Variants in PATL2 observed in about 807,000 individuals in gnomAD.
The protein encoded by PATL2 is protein PAT1 homolog 2.
A neutral mutation model predicts 77.0 loss-of-function variants in PATL2; 73 were observed. The observed-to-expected ratio is 0.95, with a 90% confidence interval of 0.78 to 1.15. The LOEUF is 1.15. Among genes scored for constraint, PATL2 ranks in the 50% most tolerant of loss-of-function variants. The pLI is 0.00. For synonymous variants in PATL2, 265 were observed against 257.1 expected (o/e 1.03, Z -0.29); for missense variants, 618 against 655.4 (o/e 0.94, Z 0.62).
At chr15:44,679,540 CTTTTTCTTTTTCTT>C (rs2086082882) in intron 3 of PATL2, among the ~76,000 whole-genome samples, 1 of 134,712 alleles carries the variant, frequency 7.4e-6, no homozygotes, top group Admixed American at 7.4e-5. Flanking sequence ...TTTTTTTTTT[CTTTTTCTTTTTCTT>C]TTTTTTTTTT....
chr15:44,670,099 C>T lies in PATL2; in HGVS notation c.658-12G>A, dbSNP rs140437598. On this transcript the variant is annotated splice_polypyrimidine_tract_variant and intron_variant, in intron 9 of 17. Transcript: ENST00000682850. ...TTCTGGTAATATTCCTGAGAATGCA[C>T]GGAATAGGAAACAAAAAAACAAAAC... The T allele has an allele frequency of 2.2e-4, 344 of 1,551,014 alleles. 1 individual carries two copies. The highest frequency in any genetic ancestry group is 2.7e-4 in the Non-Finnish European group (311 of 1,146,834).
At chr15:44,684,810 T>G (rs1595978747) in intron 3 of PATL2, among the ~76,000 whole-genome samples, 1 of 151,850 alleles carries the variant, frequency 6.6e-6, no homozygotes, top group Non-Finnish European at 1.5e-5. Flanking sequence ...TCCACCAAGG[T>G]TGAAATGAAG....
At chr15:44,676,604 C>A in intron 3 of PATL2, 39 bp from the exon 4 acceptor site, 1 of 1,486,588 alleles carries the variant, frequency 6.7e-7, no homozygotes, top group South Asian at 1.2e-5. Context: ...CATCCTCAGT[C>A]AGTAAGGATG....
chr15:44,669,680 TCTTCCTC>T (rs2085566738), intron 11 of PATL2, 90 bp downstream of exon 11: 1 of 1,506,070 alleles, frequency 6.6e-7, no homozygotes, highest in African/African-American at 1.4e-5. Flanking sequence ...TGATCACACT[TCTTCCTC>T]CTTCTTCGGT....
At chr15:44,697,863 G>T (rs1488805006) in intron 3 of PATL2, among the ~76,000 whole-genome samples, 1 of 152,000 alleles carries the variant, frequency 6.6e-6, no homozygotes, top group African/African-American at 2.4e-5. Context: ...CTTCTAGGTT[G>T]TTGTGTAGTT....
Position 44,694,293 on chromosome 15 carries a change from G to A in PATL2, c.-76+15803C>T, listed in dbSNP as rs566399677. Among the ~76,000 whole-genome samples, 47 of 152,238 alleles carry A rather than the reference G, an allele frequency of 3.1e-4. 3 individuals are homozygous for A. In the South Asian group the frequency reaches 9.5e-3, roughly 31 times the overall value. On this transcript the variant is annotated intron_variant, in intron 3 of 17. Transcript: ENST00000682850. ...CCCACCTCAGGTTTTGCTGTCAGTG[G>A]TCATTAGATAAATAGATTTTTGGCT...
chr15:44,704,955 T>C (rs531297048), intron 3 of PATL2, among the ~76,000 whole-genome samples: 2 of 152,222 alleles, frequency 1.3e-5, no homozygotes, highest in Non-Finnish European at 2.9e-5. Context: ...TATTTGTTTA[T>C]TTTCTGTTGC....
Position 44,669,167 on chromosome 15 carries a change from A to G in PATL2, c.1065-28T>C, listed in dbSNP as rs572387198. 2.0e-6 allele frequency: 3 copies of G among 1,522,778 alleles called. No individual in the cohort carries two copies. In the South Asian group the frequency reaches 3.7e-5, roughly 19 times the overall value. The allele number at this position is 1,522,778 out of a possible 1,614,324, so 94.3% of individuals were successfully genotyped here. A position where few individuals can be genotyped will look rare whatever the true frequency, so the allele number is the denominator to read the frequency against. On this transcript the variant is annotated intron_variant, in intron 13 of 17. Coordinates refer to ENST00000682850, the MANE Select transcript of PATL2 (RefSeq NM_001387263.1). The stretch of plus-strand genomic sequence containing the variant: ...GCAAGGGAGAGAGGAGAACATTTTC[A>G]GAGCTCTGCATAGAGGAGAGGGCTA...
chr15:44,683,983 A>C (rs993169994), intron 3 of PATL2, among the ~76,000 whole-genome samples: 1 of 152,220 alleles, frequency 6.6e-6, no homozygotes, highest in African/African-American at 2.4e-5. Flanking sequence ...AGCAAACTCC[A>C]ACAGACCTGC....
intron 3 of PATL2, among the ~76,000 whole-genome samples, chr15:44,696,687 C>G (rs2141255450): frequency 6.6e-6 from 1 of 152,052 alleles, no homozygotes; most frequent in South Asian, 2.1e-4. Context: ...TTTTTTCCCC[C>G]TCCAAGGTAT....
chr15:44,685,616 A>G (rs1228243600), intron 3 of PATL2, among the ~76,000 whole-genome samples: 2 of 152,112 alleles, frequency 1.3e-5, no homozygotes, highest in African/African-American at 4.8e-5. Flanking sequence ...TCAAAAAAAA[A>G]AAAAGAAAAA....
Position 44,673,301 on chromosome 15 carries a change from G to C in PATL2, c.380C>G (p.Pro127Arg). 1.9e-6 allele frequency: 3 copies of C among 1,551,664 alleles called. No individual in the cohort carries two copies. Among genetic ancestry groups the C allele is most frequent in the Non-Finnish European group, 2.6e-6 (3 of 1,146,986 alleles). ...STSSPAQHFGPRLPSPDPTLF... is the reference protein window; with the variant it reads ...STSSPAQHFGRRLPSPDPTLF... ...AGTTGGGTCTGGTGAGGGCAGCCGA[G>C]GTCCAAAGTGCTGTGCTGGAGAGCT... The change falls in exon 7 of 18, where the codon CCT becomes CGT. Residue 127 changes from proline to arginine, a missense_variant. Coordinates refer to ENST00000682850, the MANE Select transcript of PATL2 (RefSeq NM_001387263.1).
chr15:44,692,029 A>G (rs1246712435), intron 3 of PATL2, among the ~76,000 whole-genome samples: 1 of 152,262 alleles, frequency 6.6e-6, no homozygotes, highest in East Asian at 1.9e-4. Flanking sequence ...GGCATGTTTT[A>G]TACAATGAAA....
chr15:44,675,315 A>T, intron 5 of PATL2, 171 bp downstream of exon 5: 1 of 710,402 alleles, frequency 1.4e-6, no homozygotes, highest in Non-Finnish European at 2.3e-6. Context: ...GGGAGACAGG[A>T]GAAAGAGGGA....
chr15:44,666,834 A>G, intron 16 of PATL2: 1 of 519,912 alleles, frequency 1.9e-6, no homozygotes, highest in East Asian at 3.2e-5. Context: ...CTAAAGTTAT[A>G]TTGCTAGTAA....
intron 3 of PATL2, among the ~76,000 whole-genome samples, chr15:44,684,506 G>A (rs118148899): frequency 6.6e-6 from 1 of 151,404 alleles, no homozygotes; most frequent in Non-Finnish European, 1.5e-5. Context: ...GGCGATTGAA[G>A]ATCAGCTTAA....
intron 11 of PATL2, 61 bp from the exon 12 acceptor site, chr15:44,669,624 C>T: frequency 1.4e-5 from 22 of 1,527,780 alleles, no homozygotes; most frequent in Non-Finnish European, 1.9e-5. Context: ...CTAGCCCAGG[C>T]CCCCAACTAG....
At chr15:44,675,447 T>C (rs1237618513) in intron 5 of PATL2, 39 bp downstream of exon 5, 1 of 1,535,116 alleles carries the variant, frequency 6.5e-7, no homozygotes, top group Non-Finnish European at 8.8e-7. Flanking sequence ...CCACAGACAG[T>C]TCAGGACAAC....
At chr15:44,700,839 T>C (rs946192353) in intron 3 of PATL2, among the ~76,000 whole-genome samples, 24 of 152,330 alleles carry the variant, frequency 1.6e-4, no homozygotes, top group African/African-American at 5.8e-4. Context: ...ATCTTTGTCA[T>C]GTTCCAGATC....
Sources: gnomAD v4.1 joint callset for allele counts (sites outside exome capture counted in the v4.1 genomes callset) on GRCh38, gnomAD v4.1.1 for gene constraint, MANE v1.5 for transcripts, NCBI Gene and HGNC (gene_info 2026-07-23, HGNC 2026-07-21) for gene names.